The following SPON1 variants were observed in gnomAD, a reference collection of about 807,000 sequenced individuals.
SPON1 encodes spondin 1.
A neutral mutation model predicts 111.7 loss-of-function variants in SPON1; 52 were observed. That is an observed-to-expected ratio of 0.47 (90% CI 0.37 to 0.59). The LOEUF (loss-of-function observed/expected upper bound fraction) is 0.59, where lower values mean the gene tolerates loss of function less well. Ranked by LOEUF, SPON1 falls within the 20% of genes least tolerant of loss-of-function variation. The probability of loss-of-function intolerance (pLI) is 0.00; values close to 1 mark genes in which losing one functional copy is unlikely to be tolerated. For missense variants in SPON1, 957 were observed against 1,068.5 expected, an observed-to-expected ratio of 0.90 and a Z score of 1.46; for synonymous variants, 410 against 395.8, an observed-to-expected ratio of 1.04 and a Z score of -0.43.
At chr11:14,036,709 G>A (rs1228814208) in intron 2 of SPON1, among the ~76,000 whole-genome samples, 1 of 152,100 alleles carries the variant, frequency 6.6e-6, no homozygotes, top group Non-Finnish European at 1.5e-5. Context: ...AAAGAATCAA[G>A]TCAGAACAGG....
chr11:14,177,248 G>A (rs1375318586), intron 6 of SPON1, among the ~76,000 whole-genome samples: 2 of 152,116 alleles, frequency 1.3e-5, no homozygotes, highest in African/African-American at 4.8e-5. Context: ...CACCTTGTTA[G>A]CCAGGATGGT....
chr11:14,062,624 T>C (rs1291441692), intron 3 of SPON1, among the ~76,000 whole-genome samples: 2 of 152,216 alleles, frequency 1.3e-5, no homozygotes, highest in Non-Finnish European at 2.9e-5. Context: ...ACTGTACATA[T>C]TGATGCCTTT....
intron 6 of SPON1, among the ~76,000 whole-genome samples, chr11:14,146,691 A>C (rs11023110): frequency 0.02 from 2,986 of 152,328 alleles, 39 homozygotes; most frequent in Middle Eastern, 0.031. Flanking sequence ...GACTGGCTAA[A>C]CCAGATATAA....
chr11:14,252,934 C>G (rs1849067337), intron 7 of SPON1, among the ~76,000 whole-genome samples: 1 of 152,230 alleles, frequency 6.6e-6, no homozygotes, highest in Middle Eastern at 3.2e-3. Flanking sequence ...CTAACAAGTT[C>G]CTAGAGGTTG....
chr11:14,090,979 C>A (rs1475315011), intron 5 of SPON1, among the ~76,000 whole-genome samples: 6 of 151,950 alleles, frequency 3.9e-5, no homozygotes, highest in Non-Finnish European at 7.4e-5. Context: ...AGTTTTGACA[C>A]ACAGGTTCTC....
intron 5 of SPON1, among the ~76,000 whole-genome samples, chr11:14,110,021 T>C (rs1554925294): frequency 6.6e-6 from 1 of 152,220 alleles, no homozygotes; most frequent in East Asian, 1.9e-4. Flanking sequence ...TCAGACAGAT[T>C]CCTTTCTGAC....
chr11:13,975,306 T>C (rs1246402775), intron 1 of SPON1, among the ~76,000 whole-genome samples: 2 of 152,190 alleles, frequency 1.3e-5, no homozygotes, highest in Admixed American at 6.5e-5. Flanking sequence ...GAGGTTGATG[T>C]ATTGCTCAAG....
intron 6 of SPON1, among the ~76,000 whole-genome samples, chr11:14,141,165 G>C (rs1554928755): frequency 6.6e-6 from 1 of 151,986 alleles, no homozygotes; most frequent in East Asian, 1.9e-4. Context: ...CCTGCTTACT[G>C]TTCTGAGTTA....
chr11:13,990,235 TG>T (rs1848217249), intron 2 of SPON1, among the ~76,000 whole-genome samples: 5 of 152,160 alleles, frequency 3.3e-5, no homozygotes, highest in Admixed American at 3.3e-4. Context: ...GCTCCTGTAT[TG>T]GGTGCACATA....
intron 6 of SPON1, among the ~76,000 whole-genome samples, chr11:14,164,112 G>T (rs1187984741): frequency 1.3e-5 from 2 of 152,154 alleles, no homozygotes; most frequent in African/African-American, 4.8e-5. Flanking sequence ...AGTGGCCAAG[G>T]CAAAAGAGCC....
chr11:14,086,151 T>C (rs1554922574), intron 5 of SPON1, among the ~76,000 whole-genome samples: 2 of 152,184 alleles, frequency 1.3e-5, no homozygotes, highest in African/African-American at 4.8e-5. Flanking sequence ...TTCTCTTGCC[T>C]GATTGCCCTG....
At chr11:14,023,687 G>C (rs1256689501) in intron 2 of SPON1, among the ~76,000 whole-genome samples, 1 of 152,144 alleles carries the variant, frequency 6.6e-6, no homozygotes, top group African/African-American at 2.4e-5. Context: ...GCAGGAAGCA[G>C]GAAAGGAGGG....
chr11:13,988,391 G>A (rs1458831254), intron 2 of SPON1, among the ~76,000 whole-genome samples: 1 of 152,096 alleles, frequency 6.6e-6, no homozygotes, highest in African/African-American at 2.4e-5. Flanking sequence ...TGTGATTTTT[G>A]CACATTGATT....
chr11:14,044,356 A>G (rs1042356585), intron 3 of SPON1, among the ~76,000 whole-genome samples: 1 of 152,230 alleles, frequency 6.6e-6, no homozygotes, highest in Non-Finnish European at 1.5e-5. Context: ...TCATGCCTAT[A>G]ATCCCAGCAC....
At chr11:13,968,289 G>A (rs1489038660) in intron 1 of SPON1, among the ~76,000 whole-genome samples, 4 of 152,160 alleles carry the variant, frequency 2.6e-5, no homozygotes, top group Non-Finnish European at 4.4e-5. Flanking sequence ...CAGCATGATG[G>A]GAGGCTTTGC....
At chr11:13,963,499 A>T (rs942204466) in intron 1 of SPON1, among the ~76,000 whole-genome samples, 6 of 152,176 alleles carry the variant, frequency 3.9e-5, no homozygotes, top group Non-Finnish European at 8.8e-5. Flanking sequence ...CCTTTCTCCA[A>T]ATCGGTCTGG....
At position 14,267,811 on chromosome 11, in the gene SPON1, G is replaced by A. The variant is rs782424455; in HGVS notation, c.*2124G>A. Reference sequence around the variant, plus strand: ...AATAAAGATTTTTTACTACAAAAATGAAATTTGTTTGGACTTCCACTTGAG... The same window carrying A: ...AATAAAGATTTTTTACTACAAAAATAAAATTTGTTTGGACTTCCACTTGAG... On this transcript the variant is annotated 3_prime_UTR_variant, in exon 16 of 16. Coordinates refer to ENST00000576479, the MANE Select transcript of SPON1 (RefSeq NM_006108.4). 1 of 152,170 alleles carries A rather than the reference G, an allele frequency of 6.6e-6. No individual in the cohort carries two copies. Among genetic ancestry groups the A allele is most frequent in the Non-Finnish European group, 1.5e-5 (1 of 68,020 alleles). The allele number at this position is 152,170 out of a possible 1,614,324, so 9.4% of individuals were successfully genotyped here. A position where few individuals can be genotyped will look rare whatever the true frequency, so the allele number is the denominator to read the frequency against.
intron 6 of SPON1, among the ~76,000 whole-genome samples, chr11:14,179,471 T>G (rs537239215): frequency 2.4e-4 from 36 of 152,246 alleles, no homozygotes; most frequent in Admixed American, 1.4e-3. Flanking sequence ...GATAAAATTT[T>G]CCAGCAAAGG....
At chr11:14,186,526 G>C (rs915452658) in intron 6 of SPON1, among the ~76,000 whole-genome samples, 2 of 152,152 alleles carry the variant, frequency 1.3e-5, no homozygotes, top group Non-Finnish European at 2.9e-5. Flanking sequence ...ATTGTGAATG[G>C]TATTTTCTTT....
Sources: allele counts gnomAD v4.1 joint callset (sites outside exome capture counted in the v4.1 genomes callset), GRCh38; gene constraint gnomAD v4.1.1; transcripts MANE v1.5; gene names NCBI Gene and HGNC (gene_info 2026-07-23, HGNC 2026-07-21).